PPTC7: variants seen among roughly 807,000 people sequenced by gnomAD.
PPTC7 encodes protein phosphatase PTC7 homolog.
PPTC7 carries 6 observed loss-of-function variants against 30.8 expected under a neutral mutation model. The ratio of observed to expected loss-of-function variants is 0.19; its 90% CI spans 0.11 to 0.38. PPTC7 has a LOEUF of 0.38. Among genes scored for constraint, PPTC7 ranks in the 10% least tolerant of loss-of-function variants. The pLI is 1.00. For synonymous variants in PPTC7, 163 were observed against 168.1 expected (o/e 0.97, Z 0.23); for missense variants, 218 against 404.8 (o/e 0.54, Z 3.96).
At position 110,533,411 on chromosome 12, in the gene PPTC7, ATAC is replaced by A; in HGVS notation, c.*3623_*3625del. The A allele has an allele frequency of 6.6e-6, 1 of 152,218 alleles. No homozygotes were observed. The highest frequency in any genetic ancestry group is 2.4e-5 in the African/African-American group (1 of 41,462). 9.4% of individuals were successfully genotyped at this position (152,218 alleles called of 1,614,324 possible). A position where few individuals can be genotyped will look rare whatever the true frequency, so the allele number is the denominator to read the frequency against. On this transcript the variant is annotated 3_prime_UTR_variant, in exon 6 of 6. Coordinates refer to ENST00000354300, the MANE Select transcript of PPTC7 (RefSeq NM_139283.2). The stretch of plus-strand genomic sequence containing the variant: ...AACAGAAAAAAAGCAGCTCATTAGT[ATAC>A]ACACAGATTCTAATTTGCTTCATTA...
chr12:110,547,057 T>C (rs1230203235), intron 2 of PPTC7, among the ~76,000 whole-genome samples: 2 of 152,026 alleles, frequency 1.3e-5, no homozygotes, highest in Non-Finnish European at 2.9e-5. Context: ...CCCGGAAAAA[T>C]GTACCTCCTT....
chr12:110,542,608 T>C (rs2064269737), intron 3 of PPTC7, among the ~76,000 whole-genome samples: 1 of 132,862 alleles, frequency 7.5e-6, no homozygotes, highest in Middle Eastern at 5.8e-3. Flanking sequence ...GAGGCAGCAG[T>C]AGCAGTGAGC....
intron 2 of PPTC7, among the ~76,000 whole-genome samples, chr12:110,547,635 G>A (rs575421058): frequency 6.6e-6 from 1 of 152,170 alleles, no homozygotes; most frequent in South Asian, 2.1e-4. Context: ...TTTACTAGAA[G>A]TCAATTTTTT....
chr12:110,538,594 T>C (rs2064235333), intron 4 of PPTC7, among the ~76,000 whole-genome samples: 1 of 152,210 alleles, frequency 6.6e-6, no homozygotes, highest in South Asian at 2.1e-4. Context: ...CCTCAAAAGC[T>C]TCCTTGCTTA....
intron 2 of PPTC7, among the ~76,000 whole-genome samples, chr12:110,547,590 A>C (rs2064318009): frequency 6.6e-6 from 1 of 152,234 alleles, no homozygotes; most frequent in Admixed American, 6.5e-5. Context: ...AGATGATGTC[A>C]AAACCTAAAG....
At chr12:110,576,253 A>G (rs1052608218) in intron 1 of PPTC7, among the ~76,000 whole-genome samples, 8 of 152,058 alleles carry the variant, frequency 5.3e-5, no homozygotes, top group African/African-American at 1.9e-4. Flanking sequence ...CAATTTTTAA[A>G]GTATTTTCCC....
rs1177454182 is a variant in PPTC7, at chr12:110,534,137, T to TG, written c.*2899dup. ...CCATTTGGTAAATTTTTTTTTTTTT[T>TG]GTGCGCAGGCAGCTTAAGTTCATAG... On this transcript the variant is annotated 3_prime_UTR_variant, in exon 6 of 6. Transcript: ENST00000354300. 6.6e-6 allele frequency: 1 copy of TG among 150,396 alleles called. No individual in the cohort carries two copies. The highest frequency in any genetic ancestry group is 1.5e-5 in the Non-Finnish European group (1 of 67,718). The allele number at this position is 150,396 out of a possible 1,614,324, so 9.3% of individuals were successfully genotyped here. A position where few individuals can be genotyped will look rare whatever the true frequency, so the allele number is the denominator to read the frequency against.
At chr12:110,540,779 C>CG (rs2064252849) in intron 3 of PPTC7, among the ~76,000 whole-genome samples, 1 of 142,160 alleles carries the variant, frequency 7.0e-6, no homozygotes, top group African/African-American at 2.6e-5. Context: ...ACATGCCAAT[C>CG]TTTTTTTTTT....
chr12:110,567,994 C>G (rs1043823667), intron 1 of PPTC7, among the ~76,000 whole-genome samples: 1 of 151,778 alleles, frequency 6.6e-6, no homozygotes, highest in African/African-American at 2.4e-5. Flanking sequence ...CACCCACCCC[C>G]CAAAAAACAA....
intron 3 of PPTC7, among the ~76,000 whole-genome samples, chr12:110,541,055 G>A (rs2064255382): frequency 1.3e-5 from 2 of 151,340 alleles, no homozygotes; most frequent in African/African-American, 2.4e-5. Context: ...GATAACAGGC[G>A]TGAGCCACTG....
intron 1 of PPTC7, among the ~76,000 whole-genome samples, chr12:110,579,621 C>T (rs1177733011): frequency 6.6e-6 from 1 of 152,218 alleles, no homozygotes; most frequent in Non-Finnish European, 1.5e-5. Context: ...CTAAAAACCA[C>T]TGGTTTAGTG....
chr12:110,570,274 G>A (rs982917074), intron 1 of PPTC7, among the ~76,000 whole-genome samples: 3 of 131,206 alleles, frequency 2.3e-5, no homozygotes, highest in African/African-American at 9.4e-5. Flanking sequence ...AAGGCAGCAT[G>A]CTCCTTAAGA....
At position 110,534,398 on chromosome 12, in the gene PPTC7, G is replaced by C. The variant is rs917062176; in HGVS notation, c.*2639C>G. On this transcript the variant is annotated 3_prime_UTR_variant, in exon 6 of 6. Coordinates refer to ENST00000354300, the MANE Select transcript of PPTC7 (RefSeq NM_139283.2). ...GTTATAAAAGTCCATTACATGAGGC[G>C]TGTGTGTGTGTGTGTGTTGCTTAAA... 1 of 145,790 alleles carries C rather than the reference G, an allele frequency of 6.9e-6. No homozygotes were observed. The highest frequency in any genetic ancestry group is 1.5e-5 in the Non-Finnish European group (1 of 65,564). 9.0% of individuals were successfully genotyped at this position (145,790 alleles called of 1,614,324 possible).
At chr12:110,571,489 T>C (rs1421523969) in intron 1 of PPTC7, among the ~76,000 whole-genome samples, 1 of 152,158 alleles carries the variant, frequency 6.6e-6, no homozygotes, top group Non-Finnish European at 1.5e-5. Flanking sequence ...GTTTAATAGA[T>C]TGTAATGACA....
chr12:110,569,175 A>C (rs1163451246), intron 1 of PPTC7, among the ~76,000 whole-genome samples: 1 of 151,970 alleles, frequency 6.6e-6, no homozygotes, highest in Non-Finnish European at 1.5e-5. Flanking sequence ...TCTACTAAAA[A>C]TACAAAAATT....
At position 110,551,773 on chromosome 12, in the gene PPTC7, T is replaced by C; in HGVS notation, c.403+16A>G. The C allele has an allele frequency of 6.2e-7, 1 of 1,608,056 alleles. No individual in the cohort carries two copies. ...GGGGGCTTCTTTAGAGGAAAACACATAAGATACCCACTTACCGAGCAAAGG... is the reference window on the plus strand; with the variant it reads ...GGGGGCTTCTTTAGAGGAAAACACACAAGATACCCACTTACCGAGCAAAGG... On this transcript the variant is annotated intron_variant, in intron 2 of 5. Transcript: ENST00000354300.
At chr12:110,561,086 G>C (rs1330884178) in intron 1 of PPTC7, among the ~76,000 whole-genome samples, 1 of 152,190 alleles carries the variant, frequency 6.6e-6, no homozygotes, top group African/African-American at 2.4e-5. Flanking sequence ...TCTGCAGTAA[G>C]GGGCCATCTA....
chr12:110,569,721 T>C (rs2064516936), intron 1 of PPTC7, among the ~76,000 whole-genome samples: 1 of 152,262 alleles, frequency 6.6e-6, no homozygotes, highest in Non-Finnish European at 1.5e-5. Context: ...AATATTACAT[T>C]TACTGCATGA....
rs528298544 is a variant in PPTC7 at position 110,548,571 on chromosome 12, C to T, written c.404-2493G>A. On this transcript the variant is annotated intron_variant, in intron 2 of 5. Coordinates refer to ENST00000354300, the MANE Select transcript of PPTC7 (RefSeq NM_139283.2). ...CTAACTCAGTGCACATCAACTCTAA[C>T]CTTTTATCATTAATAGATCACCACC... Among the ~76,000 whole-genome samples the T allele has an allele frequency of 4.5e-4, 68 of 152,192 alleles. 1 individual carries two copies. Among genetic ancestry groups the T allele is most frequent in the Middle Eastern group, 6.3e-3 (2 of 316 alleles).
Sources: allele counts gnomAD v4.1 joint callset (sites outside exome capture counted in the v4.1 genomes callset), GRCh38; gene constraint gnomAD v4.1.1; transcripts MANE v1.5; gene names NCBI Gene and HGNC (gene_info 2026-07-23, HGNC 2026-07-21).